PKIB: variants seen among roughly 807,000 people sequenced by gnomAD.
The protein encoded by PKIB is cAMP-dependent protein kinase inhibitor beta.
A neutral mutation model predicts 4.5 loss-of-function variants in PKIB; 2 were observed. The observed-to-expected ratio is 0.44, with a 90% CI of 0.18 to 1.39. PKIB has a LOEUF of 1.39. Ranked by LOEUF, PKIB falls within the 40% of genes most tolerant of loss-of-function variation. The pLI is 0.27. For missense variants in PKIB, 94 were observed against 92.6 expected, an observed-to-expected ratio of 1.02 and a Z score of -0.06; for synonymous variants, 38 against 36.0, an observed-to-expected ratio of 1.06 and a Z score of -0.20.
At chr6:122,483,379 T>A (rs890910823) in intron 2 of PKIB, 1 of 152,166 alleles carries the variant, frequency 6.6e-6, no homozygotes, top group Non-Finnish European at 1.5e-5. Flanking sequence ...CAGAAATAAT[T>A]TTTACAATTA....
At chr6:122,644,584 G>A (rs773930673) in intron 2 of PKIB, 7 of 152,042 alleles carry the variant, frequency 4.6e-5, no homozygotes, top group Non-Finnish European at 1.0e-4. Context: ...AGATTAAAGC[G>A]GTTGATATTT....
At chr6:122,641,438 G>A (rs1776117242) in intron 2 of PKIB, among the ~76,000 whole-genome samples, 1 of 151,974 alleles carries the variant, frequency 6.6e-6, no homozygotes, top group Admixed American at 6.6e-5. Context: ...TACCAGTGCT[G>A]GGAACTTTTG....
intron 4 of PKIB, among the ~76,000 whole-genome samples, chr6:122,724,722 G>A (rs762537636): frequency 1.3e-5 from 2 of 152,166 alleles, no homozygotes; most frequent in African/African-American, 2.4e-5. Flanking sequence ...AGTAGAAAGT[G>A]TGAAGAAGCT....
At chr6:122,592,761 A>G (rs2114727143) in intron 3 of PKIB, among the ~76,000 whole-genome samples, 1 of 152,360 alleles carries the variant, frequency 6.6e-6, no homozygotes, top group African/African-American at 2.4e-5. Flanking sequence ...GGGATTAGCC[A>G]CTGAGTTAAG....
chr6:122,636,204 A>T lies in PKIB; in HGVS notation c.-76+2837A>T, dbSNP rs1456173061. Among the ~76,000 whole-genome samples, 2 of 152,094 alleles carry T rather than the reference A, an allele frequency of 1.3e-5. 1 individual carries two copies. Among genetic ancestry groups the T allele is most frequent in the South Asian group, 4.1e-4 (2 of 4,834 alleles). ...GCTGAATTAAAACTCATGTGGTTTG[A>T]TCTATGAGTCTTTAATCATAAATAC... is the stretch of plus-strand genomic sequence containing the variant. On this transcript the variant is annotated intron_variant, in intron 2 of 4. Transcript: ENST00000368452.
chr6:122,587,475 T>C (rs1336788045), intron 3 of PKIB, among the ~76,000 whole-genome samples: 29 of 152,158 alleles, frequency 1.9e-4, no homozygotes, highest in Non-Finnish European at 2.5e-4. Flanking sequence ...TGAATAGTGC[T>C]GCAATAAACA....
intron 1 of PKIB, among the ~76,000 whole-genome samples, chr6:122,476,603 A>G (rs1465860016): frequency 6.6e-6 from 1 of 152,202 alleles, no homozygotes; most frequent in East Asian, 1.9e-4. Context: ...GTCTACAAAA[A>G]TAAGTTTATT....
chr6:122,702,456 A>G (rs1354015483), intron 3 of PKIB, among the ~76,000 whole-genome samples: 1 of 146,246 alleles, frequency 6.8e-6, no homozygotes. Context: ...CACGCTCCTT[A>G]GTGTCTGGGA....
At chr6:122,655,551 C>A (rs1776739602) in intron 2 of PKIB, among the ~76,000 whole-genome samples, 1 of 152,150 alleles carries the variant, frequency 6.6e-6, no homozygotes. Context: ...GCCTCCAGAA[C>A]TGTGAGAAAT....
rs185277666 is a variant in PKIB, at chr6:122,688,110, A to G, written c.-9+12966A>G. ...GGGTGTGTTACATATGGCTTTTCTT[A>G]TGTTGAGGTATGTTTCTTTTGTATC... On this transcript the variant is annotated intron_variant, in intron 3 of 4. Transcript: ENST00000368452. Among the ~76,000 whole-genome samples the G allele has an allele frequency of 4.5e-3, 684 of 152,172 alleles. 6 individuals are homozygous for G. The highest frequency in any genetic ancestry group is 0.015 in the African/African-American group (629 of 41,526).
chr6:122,497,532 C>A (rs1199796836), intron 2 of PKIB, among the ~76,000 whole-genome samples: 1 of 152,082 alleles, frequency 6.6e-6, no homozygotes, highest in Non-Finnish European at 1.5e-5. Flanking sequence ...AAAGATCTAT[C>A]ATGTAAGTGG....
At chr6:122,701,821 G>A (rs905185076) in intron 3 of PKIB, among the ~76,000 whole-genome samples, 1 of 152,082 alleles carries the variant, frequency 6.6e-6, no homozygotes, top group African/African-American at 2.4e-5. Flanking sequence ...CCCAACACTG[G>A]ACAGATGAGA....
At chr6:122,687,715 G>A (rs894725036) in intron 3 of PKIB, among the ~76,000 whole-genome samples, 1 of 151,892 alleles carries the variant, frequency 6.6e-6, no homozygotes, top group Non-Finnish European at 1.5e-5. Flanking sequence ...TTTAATTTTA[G>A]CTATGGTAAA....
At chr6:122,540,087 C>T (rs1235183694) in intron 2 of PKIB, among the ~76,000 whole-genome samples, 5 of 151,826 alleles carry the variant, frequency 3.3e-5, no homozygotes, top group Admixed American at 6.6e-5. Context: ...CTTTATTAGT[C>T]TTGCTAGCGA....
At chr6:122,495,891 C>A (rs985128742) in intron 2 of PKIB, among the ~76,000 whole-genome samples, 2 of 152,104 alleles carry the variant, frequency 1.3e-5, no homozygotes, top group African/African-American at 4.8e-5. Flanking sequence ...CAGAGTGGTC[C>A]AGCTGCTGCA....
chr6:122,569,705 G>A (rs1478206762), intron 2 of PKIB, among the ~76,000 whole-genome samples: 5 of 152,122 alleles, frequency 3.3e-5, no homozygotes, highest in Admixed American at 6.5e-5. Flanking sequence ...AACTCCACTC[G>A]GTGGCTATAC....
At chr6:122,632,912 A>G (rs1356546085) in intron 1 of PKIB, among the ~76,000 whole-genome samples, 1 of 152,210 alleles carries the variant, frequency 6.6e-6, no homozygotes, top group Non-Finnish European at 1.5e-5. Context: ...TTATTTTACT[A>G]TTTAGTAAGA....
At chr6:122,662,414 C>G (rs1777044880) in intron 2 of PKIB, among the ~76,000 whole-genome samples, 1 of 145,414 alleles carries the variant, frequency 6.9e-6, no homozygotes, top group Admixed American at 7.2e-5. Context: ...CTCCCGGGTT[C>G]AAGCAATTCT....
chr6:122,591,212 A>G (rs1774010620), intron 3 of PKIB, among the ~76,000 whole-genome samples: 2 of 148,836 alleles, frequency 1.3e-5, no homozygotes, highest in South Asian at 4.4e-4. Flanking sequence ...ACACACACAC[A>G]CACACACCCC....
Sources: allele counts gnomAD v4.1 joint callset (sites outside exome capture counted in the v4.1 genomes callset), GRCh38; gene constraint gnomAD v4.1.1; transcripts MANE v1.5; gene names NCBI Gene and HGNC (gene_info 2026-07-23, HGNC 2026-07-21).